Variants in ARL17A observed in about 807,000 individuals in gnomAD.
ARL17A encodes ADP-ribosylation factor-like 17-like.
intron 4 of ARL17A, among the ~76,000 whole-genome samples, chr17:46,529,967 GGGAA>G (rs2145169232): frequency 7.2e-6 from 1 of 138,038 alleles, no homozygotes; most frequent in African/African-American, 2.8e-5. Flanking sequence ...TCAAGAAAGA[GGGAA>G]GGTTGGAGAG....
chr17:46,540,065 CA>C lies in ARL17A; in HGVS notation c.260-1640del, dbSNP rs1199395154. ...TGATTTCTTAGGTAAAGACAGGAAA[CA>C]TTTTTTTCTTTTTTACCTACAAGTT... On this transcript the variant is annotated intron_variant, in intron 3 of 4. Coordinates refer to the ARL17A transcript ENST00000329240. 3 of 1,181,044 alleles carry C rather than the reference CA, an allele frequency of 2.5e-6. No individual in the cohort carries two copies. In the African/African-American group the frequency reaches 5.6e-5, roughly 22 times the overall value. 73.2% of individuals were successfully genotyped at this position (1,181,044 alleles called of 1,614,324 possible).
intron 3 of ARL17A, among the ~76,000 whole-genome samples, chr17:46,541,857 T>A (rs2941981): frequency 2.0e-5 from 3 of 150,704 alleles, no homozygotes; most frequent in African/African-American, 5.0e-5. Context: ...GACTTTGGTA[T>A]CTGCAGGGGG....
At chr17:46,503,415 C>T in the ARL17A span, among the ~76,000 whole-genome samples, 1 of 145,518 alleles carries the variant, frequency 6.9e-6, no homozygotes, top group South Asian at 2.1e-4. Context: ...TCCTCTGGCA[C>T]TTATGGAGCT....
chr17:46,527,917 AC>A (rs2052997970), downstream of ARL17A, among the ~76,000 whole-genome samples: 2 of 97,136 alleles, frequency 2.1e-5, no homozygotes. Flanking sequence ...TAAGGTTCAC[AC>A]GGCTAATAAG....
downstream of ARL17A, chr17:46,513,655 GAGAC>G: frequency 1.1e-5 from 1 of 93,178 alleles, no homozygotes; most frequent in Non-Finnish European, 2.2e-5. Context: ...GCCTACCAAT[GAGAC>G]AGAATCTTCC....
chr17:46,526,003 TAAAC>T (rs1350297798), downstream of ARL17A, among the ~76,000 whole-genome samples: 3 of 82,048 alleles, frequency 3.7e-5, no homozygotes, highest in South Asian at 6.2e-4. Flanking sequence ...GTGTTCATCT[TAAAC>T]AACAGAAAAA....
chr17:46,543,326 G>C (rs533084850), intron 3 of ARL17A, among the ~76,000 whole-genome samples: 202 of 150,308 alleles, frequency 1.3e-3, no homozygotes, highest in Non-Finnish European at 2.1e-3. Flanking sequence ...GTATACCTCA[G>C]GTCATTTACA....
At chr17:46,503,074 T>G in the ARL17A span, among the ~76,000 whole-genome samples, 1 of 150,426 alleles carries the variant, frequency 6.6e-6, no homozygotes, top group African/African-American at 2.5e-5. Flanking sequence ...TAGCCGGCAG[T>G]GGTGGGGGGC....
chr17:46,539,623 CGTG>C (rs1287399672), intron 3 of ARL17A, among the ~76,000 whole-genome samples: 1 of 138,386 alleles, frequency 7.2e-6, no homozygotes, highest in African/African-American at 2.8e-5. Flanking sequence ...ATTAGCTGGG[CGTG>C]GTGGTGGGTG....
intron 3 of ARL17A, among the ~76,000 whole-genome samples, chr17:46,543,733 C>A (rs1598477903): frequency 6.6e-6 from 1 of 150,920 alleles, no homozygotes; most frequent in African/African-American, 2.5e-5. Flanking sequence ...GAAAGTTATA[C>A]AGGTGTTCAT....
At chr17:46,539,522 G>T (rs1246463278) in intron 3 of ARL17A, among the ~76,000 whole-genome samples, 1 of 150,830 alleles carries the variant, frequency 6.6e-6, no homozygotes, top group Admixed American at 6.6e-5. Context: ...TATCAGTTTG[G>T]GAGGCTGAGG....
chr17:46,533,612 G>T, intron 4 of ARL17A, among the ~76,000 whole-genome samples: 1 of 92,722 alleles, frequency 1.1e-5, no homozygotes, highest in Non-Finnish European at 1.9e-5. Context: ...AGCGATTCTA[G>T]TGCCTCAGCC....
chr17:46,551,655 C>G (rs2056836670), downstream of ARL17A, among the ~76,000 whole-genome samples: 1 of 149,116 alleles, frequency 6.7e-6, no homozygotes, highest in Non-Finnish European at 1.5e-5. Context: ...ATTTCTTGGA[C>G]ACCATATGAG....
chr17:46,575,290 AAC>A (rs2057764045), intron 2 of ARL17A, among the ~76,000 whole-genome samples: 2 of 147,654 alleles, frequency 1.4e-5, no homozygotes, highest in African/African-American at 5.0e-5. Flanking sequence ...AAGCCGGTAA[AAC>A]ACAGTGCTGG....
intron 3 of ARL17A, among the ~76,000 whole-genome samples, chr17:46,568,492 A>G (rs2057574916): frequency 8.0e-6 from 1 of 124,592 alleles, no homozygotes; most frequent in African/African-American, 3.2e-5. Context: ...TGGAATAAGC[A>G]GTTAAAAAAA....
At chr17:46,532,624 T>C (rs1245036725) in intron 4 of ARL17A, among the ~76,000 whole-genome samples, 5 of 145,452 alleles carry the variant, frequency 3.4e-5, no homozygotes, top group Non-Finnish European at 7.4e-5. Context: ...TCAGATTTTC[T>C]GTTTTTTTCT....
chr17:46,516,195 C>T (rs879123404), downstream of ARL17A, among the ~76,000 whole-genome samples: 1 of 148,590 alleles, frequency 6.7e-6, no homozygotes, highest in African/African-American at 2.5e-5. Flanking sequence ...CCCAGCTACT[C>T]GGGAGGCTGA....
chr17:46,537,159 C>T (rs1252794547), intron 4 of ARL17A, among the ~76,000 whole-genome samples: 3 of 10,238 alleles, frequency 2.9e-4, no homozygotes, highest in Admixed American at 1.6e-3. Context: ...TTTTGGATGT[C>T]TCTTTTTTTT....
chr17:46,532,924 G>C (rs1427449141), intron 4 of ARL17A, among the ~76,000 whole-genome samples: 2 of 144,002 alleles, frequency 1.4e-5, no homozygotes, highest in Admixed American at 6.9e-5. Flanking sequence ...AACATACTGA[G>C]AGCTTATCTC....
Sources: allele counts gnomAD v4.1 joint callset (sites outside exome capture counted in the v4.1 genomes callset), GRCh38; gene constraint gnomAD v4.1.1; transcripts MANE v1.5; gene names NCBI Gene and HGNC (gene_info 2026-07-23, HGNC 2026-07-21).